The following RNF220 variants were observed in gnomAD, a reference collection of about 807,000 sequenced individuals.
The protein encoded by RNF220 is E3 ubiquitin-protein ligase RNF220.
In RNF220, 7 loss-of-function variants were observed where a neutral mutation model predicts 67.1. The observed-to-expected ratio is 0.10, with a 90% CI of 0.06 to 0.20. RNF220 has a LOEUF of 0.20. Among genes scored for constraint, RNF220 ranks in the 10% least tolerant of loss-of-function variants. RNF220 has a pLI of 1.00. For synonymous variants in RNF220, 270 were observed against 283.2 expected (o/e 0.95, Z 0.47); for missense variants, 565 against 740.3 (o/e 0.76, Z 2.75).
intron 12 of RNF220, among the ~76,000 whole-genome samples, chr1:44,646,506 G>A (rs1644652892): frequency 6.6e-6 from 1 of 152,258 alleles, no homozygotes; most frequent in Non-Finnish European, 1.5e-5. Context: ...TTGTGGTGGG[G>A]AGGAATGACG....
intron 2 of RNF220, among the ~76,000 whole-genome samples, chr1:44,498,919 T>C (rs1002811115): frequency 1.3e-5 from 2 of 152,172 alleles, no homozygotes; most frequent in African/African-American, 4.8e-5. Flanking sequence ...AATAAACTTG[T>C]CCTCTATCCC....
At chr1:44,605,699 G>A (rs1465431780) in intron 2 of RNF220, among the ~76,000 whole-genome samples, 1 of 152,172 alleles carries the variant, frequency 6.6e-6, no homozygotes, top group Non-Finnish European at 1.5e-5. Context: ...ATACAGTCTG[G>A]AGGAGTCTGG....
intron 2 of RNF220, among the ~76,000 whole-genome samples, chr1:44,540,274 A>C (rs1417331391): frequency 6.6e-6 from 1 of 152,172 alleles, no homozygotes; most frequent in Non-Finnish European, 1.5e-5. Flanking sequence ...CTGCTGCCCA[A>C]AGGAGAAGAT....
At chr1:44,576,538 C>A (rs1664815849) in intron 2 of RNF220, among the ~76,000 whole-genome samples, 1 of 152,126 alleles carries the variant, frequency 6.6e-6, no homozygotes, top group Non-Finnish European at 1.5e-5. Flanking sequence ...GAGCCCTGGG[C>A]AAGGAGAAGC....
At chr1:44,438,569 G>A (rs561934673) in intron 2 of RNF220, among the ~76,000 whole-genome samples, 3 of 152,306 alleles carry the variant, frequency 2.0e-5, no homozygotes, top group African/African-American at 7.2e-5. Context: ...ATACAGTAAT[G>A]AATAATACAG....
At chr1:44,550,339 A>G (rs1181901767) in intron 2 of RNF220, among the ~76,000 whole-genome samples, 1 of 152,114 alleles carries the variant, frequency 6.6e-6, no homozygotes, top group Non-Finnish European at 1.5e-5. Context: ...GGTTATGGAG[A>G]CATCCCCTTG....
chr1:44,575,954 G>A (rs1242187173), intron 2 of RNF220, among the ~76,000 whole-genome samples: 2 of 152,204 alleles, frequency 1.3e-5, no homozygotes, highest in Non-Finnish European at 2.9e-5. Flanking sequence ...TGGGCCCTGG[G>A]ACCACCAGGT....
At chr1:44,456,795 G>A (rs1031059251) in intron 2 of RNF220, among the ~76,000 whole-genome samples, 5 of 152,126 alleles carry the variant, frequency 3.3e-5, no homozygotes, top group Admixed American at 6.5e-5. Flanking sequence ...GGCCTGCACA[G>A]TCCTGCAGGG....
intron 8 of RNF220, among the ~76,000 whole-genome samples, chr1:44,640,594 C>T (rs941340115): frequency 1.3e-5 from 2 of 152,228 alleles, no homozygotes; most frequent in South Asian, 4.1e-4. Flanking sequence ...GGCAGTGAAA[C>T]GCGTTATCGA....
chr1:44,512,757 G>T (rs1042212309), intron 2 of RNF220, among the ~76,000 whole-genome samples: 7 of 152,220 alleles, frequency 4.6e-5, no homozygotes, highest in African/African-American at 1.2e-4. Context: ...AAGCGGAGGG[G>T]TGTGATAACC....
chr1:44,513,506 TC>T (rs1401401314), intron 2 of RNF220, among the ~76,000 whole-genome samples: 1 of 152,118 alleles, frequency 6.6e-6, no homozygotes, highest in Non-Finnish European at 1.5e-5. Context: ...ACAATTTTGT[TC>T]CTTCTGAAAG....
At chr1:44,499,209 G>A (rs190796877) in intron 2 of RNF220, among the ~76,000 whole-genome samples, 9 of 152,178 alleles carry the variant, frequency 5.9e-5, no homozygotes, top group Non-Finnish European at 2.9e-5. Flanking sequence ...CTTTCTGCTG[G>A]AAGCTCTGAT....
intron 2 of RNF220, among the ~76,000 whole-genome samples, chr1:44,605,731 A>G (rs1227481954): frequency 2.0e-5 from 3 of 152,060 alleles, no homozygotes; most frequent in African/African-American, 4.8e-5. Flanking sequence ...GGAAGAAGGA[A>G]CCCTAGGTTG....
intron 2 of RNF220, among the ~76,000 whole-genome samples, chr1:44,426,690 G>C (rs575096697): frequency 1.4e-5 from 2 of 147,758 alleles, no homozygotes; most frequent in African/African-American, 5.0e-5. Context: ...TTGTGCCACT[G>C]CACTCCAGCC....
chr1:44,618,771 C>T (rs969713634), intron 3 of RNF220, among the ~76,000 whole-genome samples: 14 of 152,142 alleles, frequency 9.2e-5, no homozygotes, highest in East Asian at 3.9e-4. Flanking sequence ...GGGAGGAGGT[C>T]GGCCAGGGTC....
chr1:44,629,126 CA>C (rs1644041192), intron 5 of RNF220, among the ~76,000 whole-genome samples: 1 of 152,238 alleles, frequency 6.6e-6, no homozygotes, highest in Non-Finnish European at 1.5e-5. Flanking sequence ...TCTCATCCTC[CA>C]GTATGTTCAA....
Position 44,645,004 on chromosome 1 carries a change from G to A in RNF220, c.1233G>A (p.Glu411=), listed in dbSNP as rs1356308694. The A allele has an allele frequency of 2.5e-6, 4 of 1,614,078 alleles. No individual in the cohort carries two copies. In the South Asian group the frequency reaches 4.4e-5, roughly 18 times the overall value. The part of the protein sequence containing the change: ...TLEYGKPQYT[E]ADVIPCTGEE... ...TTGACCACCATGCCAGATACACAGA[G>A]GCTGATGTCATCCCCTGCACAGGCG... is the stretch of plus-strand genomic sequence containing the variant. The change falls in exon 10 of 15, where the codon GAG becomes GAA. Residue 411 remains glutamate, a synonymous_variant. Coordinates refer to ENST00000361799, the MANE Select transcript of RNF220 (RefSeq NM_018150.4). This position sits in a 1 kb window ranked among gnomAD's most constrained non-coding sequence, Gnocchi z 5.0.
chr1:44,537,120 A>G (rs1661293830), intron 2 of RNF220, among the ~76,000 whole-genome samples: 1 of 151,830 alleles, frequency 6.6e-6, no homozygotes. Context: ...TTATCTCACT[A>G]CCTCTGTCTT....
Position 44,632,400 on chromosome 1 carries a change from G to GGCCCC in RNF220, c.949+15_949+16insGCCCC. 14 of 1,607,370 alleles carry GGCCCC rather than the reference G, an allele frequency of 8.7e-6. No homozygotes were observed. Among genetic ancestry groups the GGCCCC allele is most frequent in the Non-Finnish European group, 7.6e-6 (9 of 1,177,442 alleles). ...CCGACTGAATGGTGAGTCCTGCCCG[G>GGCCCC]CCCCTCCCTCCGCCCCACCCCCGGC... On this transcript the variant is annotated intron_variant, in intron 6 of 14. Coordinates refer to ENST00000361799, the MANE Select transcript of RNF220 (RefSeq NM_018150.4).
Sources: allele counts gnomAD v4.1 joint callset (sites outside exome capture counted in the v4.1 genomes callset), GRCh38; gene constraint gnomAD v4.1.1; non-coding constraint Gnocchi (gnomAD v3.1); transcripts MANE v1.5; gene names NCBI Gene and HGNC (gene_info 2026-07-23, HGNC 2026-07-21).